DNHD1: variants seen among roughly 807,000 people sequenced by gnomAD.
DNHD1 encodes the protein dynein heavy chain domain 1.
A neutral mutation model predicts 458.1 loss-of-function variants in DNHD1; 383 were observed. The observed-to-expected ratio is 0.84, with a 90% CI of 0.77 to 0.91. The LOEUF is 0.91. DNHD1 is among the 40% of genes least tolerant of loss of function. DNHD1 has a pLI of 0.00. For synonymous variants in DNHD1, 2,203 were observed against 2,376.9 expected (o/e 0.93, Z 2.13); for missense variants, 5,336 against 5,866.1 (o/e 0.91, Z 2.95).
chr11:6,507,444 AT>A (rs1218408499), intron 4 of DNHD1, among the ~76,000 whole-genome samples: 2 of 152,230 alleles, frequency 1.3e-5, no homozygotes, highest in African/African-American at 4.8e-5. Flanking sequence ...GTTTAGATAC[AT>A]TTAATAAAGC....
chr11:6,539,829 C>T, intron 17 of DNHD1, 47 bp from the exon 18 acceptor site: 5 of 1,520,346 alleles, frequency 3.3e-6, no homozygotes, highest in African/African-American at 1.4e-5. Context: ...CAAGCCTGTC[C>T]CCGAAGCAGT....
In DNHD1 at chr11:6,571,495, C is replaced by G. The variant is rs1424247296; in HGVS notation, c.13911+72C>G. 10 of 1,474,842 alleles carry G rather than the reference C, an allele frequency of 6.8e-6. No homozygotes were observed. Among genetic ancestry groups the G allele is most frequent in the Non-Finnish European group, 9.0e-6 (10 of 1,106,220 alleles). The allele number at this position is 1,474,842 out of a possible 1,614,324, so 91.4% of individuals were successfully genotyped here. A position where few individuals can be genotyped will look rare whatever the true frequency, so the allele number is the denominator to read the frequency against. On this transcript the variant is annotated intron_variant, in intron 42 of 42. Transcript: ENST00000254579. The surrounding 1 kb of genome is among the most constrained non-coding windows in gnomAD (Gnocchi z 5.0). ...CTCTAATTACACCTCGCAGTTACCC[C>G]TTCTTGGTGATCTTGCCCCCGGTAA...
chr11:6,567,694 G>A lies in DNHD1; in HGVS notation c.12185G>A (p.Ser4062Asn), dbSNP rs368495758. The A allele has an allele frequency of 1.9e-6, 3 of 1,613,794 alleles. No homozygotes were observed. ...GGTGCCCTGGCAGACTTCACCACTA[G>A]CCTCCTGGGTCGGCCCCTGGATGAA... Reference protein sequence around the residue: ...LAGALADFTTSLLGRPLDENT... With the variant: ...LAGALADFTTNLLGRPLDENT... The change falls in exon 36 of 43, where the codon AGC becomes AAC. Residue 4062 changes from serine (S) to asparagine (N), a missense_variant. By Grantham distance (46) the Ser-to-Asn change is conservative. This residue lies in a region of DNHD1 where 695 missense variants were observed against 804.2 expected (regional missense o/e 0.86). Transcript: ENST00000254579.
At chr11:6,526,709 C>T (rs1362611911) in intron 10 of DNHD1, among the ~76,000 whole-genome samples, 1 of 152,178 alleles carries the variant, frequency 6.6e-6, no homozygotes, top group Non-Finnish European at 1.5e-5. Context: ...TATTCTACTC[C>T]CAGCATTTTC....
At chr11:6,498,985 G>A (rs1328916948) in intron 3 of DNHD1, 24 bp downstream of exon 3, 2 of 1,551,030 alleles carry the variant, frequency 1.3e-6, no homozygotes, top group African/African-American at 1.4e-5. Flanking sequence ...TCAGTCTAGG[G>A]CTTGAGCAGA....
chr11:6,525,268 T>A (rs1307961037), intron 10 of DNHD1, among the ~76,000 whole-genome samples: 1 of 152,126 alleles, frequency 6.6e-6, no homozygotes, highest in African/African-American at 2.4e-5. Flanking sequence ...CATCTCACCA[T>A]CAAAATCTGC....
In DNHD1 at chr11:6,519,598, A is replaced by T; in HGVS notation, c.1393-2A>T. On this transcript the variant is annotated splice_acceptor_variant, in intron 7 of 42. Transcript: ENST00000254579. LOFTEE classifies it high-confidence loss of function. The stretch of plus-strand genomic sequence containing the variant: ...TGGTGAGTTTCCACTCTATGCTCAC[A>T]GGTTCACGAGGACACATACCACATG... 6.2e-7 allele frequency: 1 copy of T among 1,614,036 alleles called. No individual in the cohort carries two copies. The highest frequency in any genetic ancestry group is 8.5e-7 in the Non-Finnish European group (1 of 1,179,984).
In DNHD1 at chr11:6,571,498, C is replaced by A; in HGVS notation, c.13911+75C>A. 6.8e-7 allele frequency: 1 copy of A among 1,471,512 alleles called. No individual in the cohort carries two copies. The allele number at this position is 1,471,512 out of a possible 1,614,324, so 91.2% of individuals were successfully genotyped here. A position where few individuals can be genotyped will look rare whatever the true frequency, so the allele number is the denominator to read the frequency against. On this transcript the variant is annotated intron_variant, in intron 42 of 42. Coordinates refer to ENST00000254579, the MANE Select transcript of DNHD1 (RefSeq NM_144666.3). The surrounding 1 kb of genome is among the most constrained non-coding windows in gnomAD (Gnocchi z 5.0). Reference sequence around the variant, plus strand: ...TAATTACACCTCGCAGTTACCCCTTCTTGGTGATCTTGCCCCCGGTAACCC... The same window carrying A: ...TAATTACACCTCGCAGTTACCCCTTATTGGTGATCTTGCCCCCGGTAACCC...
chr11:6,503,177 T>G (rs572252922), intron 4 of DNHD1: 4 of 447,438 alleles, frequency 8.9e-6, no homozygotes, highest in Admixed American at 4.3e-5. Context: ...CATTTTGCTC[T>G]TTCTTTTTTA....
intron 9 of DNHD1, 62 bp from the exon 10 acceptor site, chr11:6,520,176 A>G (rs1243345624): frequency 1.2e-6 from 2 of 1,605,944 alleles, no homozygotes; most frequent in Non-Finnish European, 1.7e-6. Context: ...GAAGCTCACA[A>G]CCTGGTTTGA....
intron 10 of DNHD1, among the ~76,000 whole-genome samples, chr11:6,521,233 A>G (rs1852598784): frequency 6.6e-6 from 1 of 152,264 alleles, no homozygotes; most frequent in African/African-American, 2.4e-5. Flanking sequence ...CTCAGCACAT[A>G]GAAATACATG....
Position 6,497,964 on chromosome 11 carries a change from G to A in DNHD1, c.-252G>A, listed in dbSNP as rs1306300672. On this transcript the variant is annotated 5_prime_UTR_variant, in exon 3 of 43. Coordinates refer to ENST00000254579, the MANE Select transcript of DNHD1 (RefSeq NM_144666.3). The stretch of plus-strand genomic sequence containing the variant: ...GGGAAGCAGTAGGGAGGGCCTGAGG[G>A]TCTCAGGAAAGGCTCTCTGCTGGTC... 1 of 546,800 alleles carries A rather than the reference G, an allele frequency of 1.8e-6. No homozygotes were observed. The highest frequency in any genetic ancestry group is 1.9e-5 in the African/African-American group (1 of 52,950). The allele number at this position is 546,800 out of a possible 1,614,324, so 33.9% of individuals were successfully genotyped here. A position where few individuals can be genotyped will look rare whatever the true frequency, so the allele number is the denominator to read the frequency against.
At position 6,498,939 on chromosome 11, in the gene DNHD1, C is replaced by A; in HGVS notation, c.724C>A (p.Pro242Thr). 1 of 1,605,680 alleles carries A rather than the reference C, an allele frequency of 6.2e-7. No individual in the cohort carries two copies. The highest frequency in any genetic ancestry group is 2.2e-5 in the East Asian group (1 of 44,806). Residue 242 changes from proline to threonine, a missense_variant, in exon 3 of 43, where the codon CCT (proline) becomes ACT (threonine). Pro to Thr is a conservative substitution (Grantham distance 38, BLOSUM62 -1). This residue lies in a region of DNHD1 where 3,932 missense variants were observed against 4,365.6 expected (regional missense o/e 0.90). Transcript: ENST00000254579. ...SSDTDNAEVE[P>T]VGRKETRSQL... ...TGACACTGACAATGCAGAGGTGGAG[C>A]CTGTTGGAAGAAAAGAGACCAGGTA...
intron 18 of DNHD1, among the ~76,000 whole-genome samples, chr11:6,542,709 C>T (rs1853122464): frequency 6.6e-6 from 1 of 152,298 alleles, no homozygotes; most frequent in South Asian, 2.1e-4. Flanking sequence ...TTAATTCTTA[C>T]CTCAAGAAGA....
chr11:6,507,522 T>A (rs1287380365), intron 4 of DNHD1, among the ~76,000 whole-genome samples: 1 of 152,184 alleles, frequency 6.6e-6, no homozygotes, highest in Admixed American at 6.5e-5. Context: ...GCATTACATA[T>A]ATATTTGGAG....
chr11:6,551,760 G>A (rs145943746), intron 24 of DNHD1, among the ~76,000 whole-genome samples: 2,744 of 152,318 alleles, frequency 0.018, 53 homozygotes, highest in Admixed American at 0.056. Context: ...GGCCAACATG[G>A]TGAAACCCCG....
intron 16 of DNHD1, 79 bp from the exon 17 acceptor site, chr11:6,539,140 C>G: frequency 9.9e-7 from 1 of 1,014,530 alleles, no homozygotes; most frequent in Non-Finnish European, 1.5e-6. Flanking sequence ...CTGGGCTGGG[C>G]TGGGCTCTGG....
Position 6,557,234 on chromosome 11 carries a change from T to A in DNHD1, c.7939T>A (p.Trp2647Arg). ...MMATRNVVRL[W>R]LHEAQRTFCD... ...GGCCACACGCAATGTGGTGCGTCTT[T>A]GGTTGCATGAGGCACAGAGAACCTT... The change falls in exon 25 of 43, where the codon TGG becomes AGG. Residue 2647 changes from tryptophan to arginine, a missense_variant. Transcript: ENST00000254579. The A allele has an allele frequency of 1.3e-6, 2 of 1,551,612 alleles. No individual in the cohort carries two copies. The highest frequency in any genetic ancestry group is 1.7e-6 in the Non-Finnish European group (2 of 1,146,992).
In DNHD1 at chr11:6,498,448, C is replaced by T. The variant is rs1260985958; in HGVS notation, c.233C>T (p.Pro78Leu). ...TCAGCTGTGTTGCAGGACAGTAGCCCTGCAGCTTGGCGCTATCTTCATGCA... is the reference window on the plus strand; with the variant it reads ...TCAGCTGTGTTGCAGGACAGTAGCCTTGCAGCTTGGCGCTATCTTCATGCA... ...LFSAVLQDSS[P>L]AAWRYLHAVL... The change falls in exon 3 of 43, where the codon CCT (proline) becomes CTT (leucine). Residue 78 changes from proline (P) to leucine (L), a missense_variant. Pro to Leu is a moderately conservative substitution (Grantham distance 98). This residue lies in a region of DNHD1 where 3,932 missense variants were observed against 4,365.6 expected (regional missense o/e 0.90). Coordinates refer to ENST00000254579, the MANE Select transcript of DNHD1 (RefSeq NM_144666.3). 6.2e-7 allele frequency: 1 copy of T among 1,614,120 alleles called. No homozygotes were observed. The highest frequency in any genetic ancestry group is 1.3e-5 in the African/African-American group (1 of 74,932).
Sources: gnomAD v4.1 joint callset for allele counts (sites outside exome capture counted in the v4.1 genomes callset) on GRCh38, gnomAD v4.1.1 for gene constraint, gnomAD v4.1.1 regional missense constraint, Gnocchi (gnomAD v3.1) non-coding constraint, MANE v1.5 for transcripts, NCBI Gene and HGNC (gene_info 2026-07-23, HGNC 2026-07-21) for gene names.